Variants in PALLD observed in about 807,000 individuals in gnomAD.
PALLD encodes the protein palladin.
In PALLD, 61 loss-of-function variants were observed where a neutral mutation model predicts 123.5. The observed-to-expected ratio is 0.49, with a 90% CI of 0.40 to 0.61. The LOEUF is 0.61. PALLD is among the 20% of genes least tolerant of loss of function. The pLI is 0.00. For synonymous variants in PALLD, 465 were observed against 496.4 expected, an observed-to-expected ratio of 0.94 and a Z score of 0.84; for missense variants, 1,273 against 1,377.0, an observed-to-expected ratio of 0.92 and a Z score of 1.20.
chr4:168,769,698 G>T (rs1734138829), intron 10 of PALLD, among the ~76,000 whole-genome samples: 1 of 152,152 alleles, frequency 6.6e-6, no homozygotes, highest in African/African-American at 2.4e-5. Flanking sequence ...ACATCACATT[G>T]GGTCTCCCTC....
chr4:168,872,877 A>G (rs1009576470), intron 10 of PALLD, among the ~76,000 whole-genome samples: 3 of 152,210 alleles, frequency 2.0e-5, no homozygotes, highest in Non-Finnish European at 4.4e-5. Flanking sequence ...TACTATAATA[A>G]AGTTATAGAT....
intron 2 of PALLD, among the ~76,000 whole-genome samples, chr4:168,632,589 A>G (rs1158409885): frequency 6.6e-6 from 1 of 152,108 alleles, no homozygotes; most frequent in Non-Finnish European, 1.5e-5. Context: ...CTCCCTTTGG[A>G]CGGGGTCCCT....
intron 2 of PALLD, among the ~76,000 whole-genome samples, chr4:168,570,490 A>AT (rs555003838): frequency 1.0e-3 from 156 of 152,292 alleles, no homozygotes; most frequent in African/African-American, 3.3e-3. Flanking sequence ...AAAAGTGCCA[A>AT]TGTTCCTTTA....
intron 10 of PALLD, among the ~76,000 whole-genome samples, chr4:168,713,320 A>T (rs940443436): frequency 2.6e-5 from 4 of 152,346 alleles, no homozygotes; most frequent in South Asian, 4.1e-4. Flanking sequence ...GCAGCAACCC[A>T]TAAAATTAAT....
intron 14 of PALLD, among the ~76,000 whole-genome samples, chr4:168,901,543 A>G (rs928602294): frequency 6.6e-6 from 1 of 152,234 alleles, no homozygotes; most frequent in African/African-American, 2.4e-5. Context: ...TACTTATTAC[A>G]GCTTCTTTTT....
At chr4:168,797,984 C>T (rs1448632855) in intron 10 of PALLD, among the ~76,000 whole-genome samples, 1 of 152,162 alleles carries the variant, frequency 6.6e-6, no homozygotes, top group African/African-American at 2.4e-5. Context: ...CAAATCAGAA[C>T]CAGACACTTT....
At chr4:168,642,058 G>A (rs1219674155) in intron 2 of PALLD, among the ~76,000 whole-genome samples, 1 of 152,172 alleles carries the variant, frequency 6.6e-6, no homozygotes, top group East Asian at 1.9e-4. Context: ...CAGCCAGGAT[G>A]GTTTCACCTG....
At chr4:168,722,081 G>C (rs1212365668) in intron 10 of PALLD, among the ~76,000 whole-genome samples, 1 of 152,168 alleles carries the variant, frequency 6.6e-6, no homozygotes, top group African/African-American at 2.4e-5. Flanking sequence ...GTCTCACTCT[G>C]CCACCCAGGC....
chr4:168,609,716 G>A (rs1034876050), intron 2 of PALLD, among the ~76,000 whole-genome samples: 1 of 152,146 alleles, frequency 6.6e-6, no homozygotes, highest in Admixed American at 6.5e-5. Flanking sequence ...GTGTGGATAC[G>A]ATGTGGGACC....
intron 10 of PALLD, among the ~76,000 whole-genome samples, chr4:168,830,470 C>T (rs1273710704): frequency 6.6e-6 from 1 of 151,744 alleles, no homozygotes; most frequent in African/African-American, 2.4e-5. Flanking sequence ...GTCAAAACTG[C>T]AGTAAGCCAT....
At chr4:168,881,461 G>GT (rs1752593555) in intron 10 of PALLD, among the ~76,000 whole-genome samples, 1 of 149,464 alleles carries the variant, frequency 6.7e-6, no homozygotes, top group Non-Finnish European at 1.5e-5. Flanking sequence ...TTGAGGAACT[G>GT]TATGTATAGA....
intron 10 of PALLD, among the ~76,000 whole-genome samples, chr4:168,764,015 A>G (rs770941956): frequency 2.0e-5 from 3 of 152,194 alleles, no homozygotes; most frequent in Non-Finnish European, 2.9e-5. Context: ...ATAAATATTT[A>G]CTGCAGTAAT....
intron 1 of PALLD, among the ~76,000 whole-genome samples, chr4:168,498,049 T>C (rs1760936800): frequency 6.6e-6 from 1 of 152,242 alleles, no homozygotes; most frequent in Non-Finnish European, 1.5e-5. Flanking sequence ...AGAAATTAAA[T>C]CCTCATTTCA....
At chr4:168,610,220 C>T (rs1226198597) in intron 2 of PALLD, among the ~76,000 whole-genome samples, 4 of 152,116 alleles carry the variant, frequency 2.6e-5, no homozygotes, top group Admixed American at 2.0e-4. Flanking sequence ...TCTTTATTCT[C>T]CTTGGCAGTC....
At chr4:168,640,403 C>G (rs746765920) in intron 2 of PALLD, among the ~76,000 whole-genome samples, 3 of 152,146 alleles carry the variant, frequency 2.0e-5, no homozygotes, top group Non-Finnish European at 4.4e-5. Flanking sequence ...TGGAATTCAC[C>G]CCTGAGACTT....
rs1750793494 is a variant in PALLD, at chr4:168,869,520, G to A, written c.1965-21402G>A. On this transcript the variant is annotated intron_variant, in intron 10 of 21. Coordinates refer to ENST00000505667, the MANE Select transcript of PALLD (RefSeq NM_001166108.2). This position sits in a 1 kb window ranked among gnomAD's most constrained non-coding sequence, Gnocchi z 4.5. Reference sequence around the variant, plus strand: ...GGGTGGCCCTCCAAAAGAGAGCAGTGCATGAGAAGAGGCCAACAGGAAGGA... The same window carrying A: ...GGGTGGCCCTCCAAAAGAGAGCAGTACATGAGAAGAGGCCAACAGGAAGGA... Among the ~76,000 whole-genome samples, 1 of 152,146 alleles carries A rather than the reference G, an allele frequency of 6.6e-6. No homozygotes were observed. Among genetic ancestry groups the A allele is most frequent in the Non-Finnish European group, 1.5e-5 (1 of 68,034 alleles).
chr4:168,774,188 G>T (rs1734843200), intron 10 of PALLD, among the ~76,000 whole-genome samples: 1 of 151,194 alleles, frequency 6.6e-6, no homozygotes, highest in Non-Finnish European at 1.5e-5. Flanking sequence ...GAAAGAAATA[G>T]AACTTTCTCC....
intron 10 of PALLD, among the ~76,000 whole-genome samples, chr4:168,801,646 A>G (rs529107798): frequency 1.8e-4 from 28 of 152,336 alleles, no homozygotes; most frequent in African/African-American, 5.5e-4. Flanking sequence ...GACAAAGAGA[A>G]CGACCTGCCC....
chr4:168,601,483 A>T (rs1279108624), intron 2 of PALLD, among the ~76,000 whole-genome samples: 1 of 152,156 alleles, frequency 6.6e-6, no homozygotes, highest in Non-Finnish European at 1.5e-5. Flanking sequence ...CACAATCCTG[A>T]TTCAGGACCA....
Sources: gnomAD v4.1 joint callset for allele counts (sites outside exome capture counted in the v4.1 genomes callset) on GRCh38, gnomAD v4.1.1 for gene constraint, Gnocchi (gnomAD v3.1) non-coding constraint, MANE v1.5 for transcripts, NCBI Gene and HGNC (gene_info 2026-07-23, HGNC 2026-07-21) for gene names.